Variants in SLC4A9 observed in about 807,000 individuals in gnomAD.
SLC4A9 encodes the protein solute carrier family 4 member 9, also known as anion exchange protein 4.
SLC4A9 carries 102 observed loss-of-function variants against 103.2 expected under a neutral mutation model. The ratio of observed to expected loss-of-function variants is 0.99; its 90% CI spans 0.84 to 1.17. The LOEUF is 1.17. Among genes scored for constraint, SLC4A9 ranks in the 50% most tolerant of loss-of-function variants. The probability of loss-of-function intolerance (pLI) is 0.00; values close to 1 mark genes in which losing one functional copy is unlikely to be tolerated. For synonymous variants in SLC4A9, 453 were observed against 483.6 expected (o/e 0.94, Z 0.83); for missense variants, 1,091 against 1,193.7 (o/e 0.91, Z 1.27).
rs375698170 is a variant in SLC4A9 at position 140,365,833 on chromosome 5, G to T, written c.1711-1G>T. The T allele has an allele frequency of 4.3e-6, 7 of 1,613,114 alleles. No individual in the cohort carries two copies. Among genetic ancestry groups the T allele is most frequent in the Non-Finnish European group, 5.1e-6 (6 of 1,179,518 alleles). ...TCCACTCCTGACCCTCCTGTGTACAGGACTTAGGCCTGATCAATGCATCCT... is the reference window on the plus strand; with the variant it reads ...TCCACTCCTGACCCTCCTGTGTACATGACTTAGGCCTGATCAATGCATCCT... On this transcript the variant is annotated splice_acceptor_variant, in intron 12 of 21. Coordinates refer to ENST00000506757, the MANE Select transcript of SLC4A9 (RefSeq NM_031467.3). LOFTEE classifies it high-confidence loss of function.
At chr5:140,368,860 GA>G (rs1768287797) in intron 17 of SLC4A9, among the ~76,000 whole-genome samples, 2 of 152,338 alleles carry the variant, frequency 1.3e-5, no homozygotes, top group South Asian at 4.1e-4. Flanking sequence ...AAGAGGCAAA[GA>G]AACTTGCAAG....
chr5:140,362,855 A>C, intron 6 of SLC4A9, 57 bp from the exon 7 acceptor site: 1 of 1,606,372 alleles, frequency 6.2e-7, no homozygotes, highest in Non-Finnish European at 8.5e-7. Context: ...AGACTATGAA[A>C]ATGCATGTAA....
In SLC4A9 at chr5:140,367,844, G is replaced by A. The variant is rs370345203; in HGVS notation, c.2300G>A (p.Arg767Gln). The A allele has an allele frequency of 2.6e-5, 42 of 1,613,814 alleles. No homozygotes were observed. The highest frequency in any genetic ancestry group is 4.5e-5 in the East Asian group (2 of 44,892). The change falls in exon 16 of 22, where the codon CGG (arginine) becomes CAG (glutamine). Residue 767 changes from arginine to glutamine, a missense_variant. Arg to Gln is a conservative substitution (Grantham distance 43, BLOSUM62 1). Transcript: ENST00000506757. The part of the protein sequence containing the change: ...VISLAHMDSL[R>Q]RESRACAPGE... ...TCCCTGGCTCACATGGACAGTCTTC[G>A]GAGAGAGAGCAGAGCCTGTGCCCCC...
chr5:140,362,215 C>G (rs1321256238), intron 5 of SLC4A9, 41 bp downstream of exon 5: 1 of 1,481,190 alleles, frequency 6.8e-7, no homozygotes, highest in Non-Finnish European at 9.0e-7. Context: ...ATCCCAGAAC[C>G]TAGAAGGGTC....
In SLC4A9 at chr5:140,360,986, C is replaced by A. The variant is rs978355232; in HGVS notation, c.391+14C>A. On this transcript the variant is annotated intron_variant, in intron 2 of 21. Coordinates refer to ENST00000506757, the MANE Select transcript of SLC4A9 (RefSeq NM_031467.3). ...TGGAGCTCGTGGGTAGGCTGGGATC[C>A]TTTGCAGGAAGGGCCTGGGTAGCCA... 3.2e-6 allele frequency: 5 copies of A among 1,555,308 alleles called. No homozygotes were observed. The highest frequency in any genetic ancestry group is 4.4e-6 in the Non-Finnish European group (5 of 1,148,812).
Position 140,361,327 on chromosome 5 carries a change from C to T in SLC4A9, c.465C>T (p.Pro155=), listed in dbSNP as rs1262380035. The T allele has an allele frequency of 3.2e-6, 5 of 1,565,748 alleles. No homozygotes were observed. In the Admixed American group the frequency reaches 9.5e-5, roughly 30 times the overall value. Residue 155 remains proline, a synonymous_variant, in exon 3 of 22, where the codon CCC becomes CCT. Coordinates refer to ENST00000506757, the MANE Select transcript of SLC4A9 (RefSeq NM_031467.3). The part of the protein sequence containing the change: ...GQLQALLLQR[P]QHYNQTTGTR... ...TGCAGGCCTTGCTGCTGCAGAGACC[C>T]CAGCATTACAACCAGACCACAGGCA...
At chr5:140,374,121 G>A (rs369145962) in intron 21 of SLC4A9, among the ~76,000 whole-genome samples, 1 of 151,590 alleles carries the variant, frequency 6.6e-6, no homozygotes, top group Admixed American at 6.6e-5. Context: ...GTGGAGGTTC[G>A]GAAGTTGCAG....
At position 140,372,314 on chromosome 5, in the gene SLC4A9, G is replaced by C; in HGVS notation, c.2743G>C (p.Glu915Gln). The change falls in exon 20 of 22, where the codon GAG (glutamate) becomes CAG (glutamine). Residue 915 changes from glutamate to glutamine, a missense_variant. Physicochemically the swap from Glu to Gln is conservative, Grantham distance 29. Coordinates refer to ENST00000506757, the MANE Select transcript of SLC4A9 (RefSeq NM_031467.3). ...FSPQELLWLD[E>Q]LMPEEERSIP... The stretch of plus-strand genomic sequence containing the variant: ...ACCACAGGAACTCCTCTGGCTGGAT[G>C]AGCTGATGCCAGAGGAGGAGAGAAG... The C allele has an allele frequency of 6.2e-7, 1 of 1,609,818 alleles. No individual in the cohort carries two copies. Among genetic ancestry groups the C allele is most frequent in the African/African-American group, 1.3e-5 (1 of 74,750 alleles).
chr5:140,367,117 G>A (rs571182238), intron 14 of SLC4A9, among the ~76,000 whole-genome samples: 2 of 152,318 alleles, frequency 1.3e-5, no homozygotes, highest in African/African-American at 4.8e-5. Context: ...CTAGGGAGCA[G>A]GGCTCTGTAC....
chr5:140,371,639 G>C lies in SLC4A9; in HGVS notation c.2670+15G>C, dbSNP rs758442305. ...TCCCCCTCATGGTAAGCTGAGGCAG[G>C]GTTGGGCTGTGTCCTGGAGGGTCTT... On this transcript the variant is annotated intron_variant, in intron 19 of 21. Transcript: ENST00000506757. 6.2e-7 allele frequency: 1 copy of C among 1,613,898 alleles called. No individual in the cohort carries two copies. The highest frequency in any genetic ancestry group is 1.7e-5 in the Admixed American group (1 of 60,014).
intron 6 of SLC4A9, 139 bp downstream of exon 6, chr5:140,362,671 C>T: frequency 9.8e-7 from 1 of 1,024,522 alleles, no homozygotes; most frequent in South Asian, 1.4e-5. Context: ...CAATGAGGCA[C>T]AGTGAGCACT....
chr5:140,365,362 A>G (rs530590027), intron 11 of SLC4A9, among the ~76,000 whole-genome samples, 158 bp from the exon 12 acceptor site: 1 of 152,306 alleles, frequency 6.6e-6, no homozygotes, highest in South Asian at 2.1e-4. Context: ...GCATGAGACA[A>G]TGTCCTTCTC....
intron 21 of SLC4A9, 76 bp downstream of exon 21, chr5:140,372,919 T>TTGGC (rs1237603157): frequency 1.2e-6 from 1 of 859,876 alleles, no homozygotes; most frequent in African/African-American, 1.7e-5. Flanking sequence ...CTCCAGTGTG[T>TTGGC]TGGCCAGCCC....
At position 140,363,959 on chromosome 5, in the gene SLC4A9, C is replaced by T. The variant is rs1030243124; in HGVS notation, c.1254+57C>T. 2.5e-6 allele frequency: 4 copies of T among 1,585,902 alleles called. No individual in the cohort carries two copies. Among genetic ancestry groups the T allele is most frequent in the African/African-American group, 2.7e-5 (2 of 74,286 alleles). On this transcript the variant is annotated intron_variant, in intron 9 of 21. Transcript: ENST00000506757. The surrounding 1 kb of genome is among the most constrained non-coding windows in gnomAD (Gnocchi z 4.5). ...TTGGTGTCCCCTAGTCCATCCCTTC[C>T]CCTGGGACTATGGGTAAGTTAAGGA...
intron 17 of SLC4A9, among the ~76,000 whole-genome samples, chr5:140,369,652 C>T (rs971020959): frequency 4.0e-5 from 6 of 150,874 alleles, no homozygotes; most frequent in East Asian, 3.9e-4. Flanking sequence ...CCAGATGGAC[C>T]GGATCAGCCA....
In SLC4A9 at chr5:140,363,049, G is replaced by GC. The variant is rs758007598; in HGVS notation, c.947dup (p.Ser317IlefsTer25). ...CCCGGATTCCCCCGCCCAAATGTCT[G>GC]CCATCTCAGCACAAAAGGTACCTGG... On this transcript the variant is annotated frameshift_variant, in exon 7 of 22. Coordinates refer to ENST00000506757, the MANE Select transcript of SLC4A9 (RefSeq NM_031467.3). LOFTEE classifies it high-confidence loss of function. This position sits in a 1 kb window ranked among gnomAD's most constrained non-coding sequence, Gnocchi z 4.5. The GC allele has an allele frequency of 8.7e-6, 14 of 1,613,030 alleles. No individual in the cohort carries two copies. In the East Asian group the frequency reaches 2.9e-4, roughly 33 times the overall value.
Position 140,367,746 on chromosome 5 carries a change from C to T in SLC4A9, c.2202C>T (p.Leu734=). The T allele has an allele frequency of 6.2e-7, 1 of 1,614,022 alleles. No homozygotes were observed. The highest frequency in any genetic ancestry group is 8.5e-7 in the Non-Finnish European group (1 of 1,179,902). Residue 734 remains leucine (L), a synonymous_variant, in exon 16 of 22, where the codon CTC becomes CTT. Coordinates refer to ENST00000506757, the MANE Select transcript of SLC4A9 (RefSeq NM_031467.3). ...LQKGAGFHLD[L]FCVAVLMLLT... is the part of the protein sequence containing the mutation. Reference sequence around the variant, plus strand: ...AGGGAGCTGGCTTCCACCTGGACCTCTTCTGTGTGGCTGTGCTGATGCTAC... The same window carrying T: ...AGGGAGCTGGCTTCCACCTGGACCTTTTCTGTGTGGCTGTGCTGATGCTAC...
rs1429054213 is a variant in SLC4A9 at position 140,360,230 on chromosome 5, A to G, written c.-7A>G. The G allele has an allele frequency of 6.2e-7, 1 of 1,607,776 alleles. No individual in the cohort carries two copies. Among genetic ancestry groups the G allele is most frequent in the African/African-American group, 1.3e-5 (1 of 74,872 alleles). On this transcript the variant is annotated 5_prime_UTR_variant, in exon 1 of 22. Transcript: ENST00000506757. ...CTGTACTGGTTCTGAGATTCTGTGC[A>G]AGCCTCATGGAAATGAAGCTGCCAG...
At chr5:140,368,706 A>T in intron 17 of SLC4A9, 47 bp downstream of exon 17, 1 of 1,528,416 alleles carries the variant, frequency 6.5e-7, no homozygotes, top group Non-Finnish European at 9.0e-7. Flanking sequence ...TAGTAATAAT[A>T]GGAGCACAGC....
Sources: allele counts gnomAD v4.1 joint callset (sites outside exome capture counted in the v4.1 genomes callset), GRCh38; gene constraint gnomAD v4.1.1; non-coding constraint Gnocchi (gnomAD v3.1); transcripts MANE v1.5; gene names NCBI Gene and HGNC (gene_info 2026-07-23, HGNC 2026-07-21).